ZNRF1: variants seen among roughly 807,000 people sequenced by gnomAD.
The protein encoded by ZNRF1 is E3 ubiquitin-protein ligase ZNRF1.
A neutral mutation model predicts 18.4 loss-of-function variants in ZNRF1; 3 were observed. The ratio of observed to expected loss-of-function variants is 0.16; its 90% CI spans 0.07 to 0.42. The LOEUF is 0.42. Among genes scored for constraint, ZNRF1 ranks in the 10% least tolerant of loss-of-function variants. ZNRF1 has a pLI of 0.99. For synonymous variants in ZNRF1, 157 were observed against 144.2 expected, an observed-to-expected ratio of 1.09 and a Z score of -0.64; for missense variants, 310 against 329.8, an observed-to-expected ratio of 0.94 and a Z score of 0.47.
intron 1 of ZNRF1, among the ~76,000 whole-genome samples, chr16:75,020,740 C>A (rs983564734): frequency 2.6e-5 from 4 of 152,100 alleles, no homozygotes; most frequent in African/African-American, 7.2e-5. Flanking sequence ...GACAAGGTTT[C>A]ACCGTGTTAG....
At chr16:75,029,338 C>T (rs186841247) in intron 1 of ZNRF1, among the ~76,000 whole-genome samples, 8 of 151,970 alleles carry the variant, frequency 5.3e-5, no homozygotes, top group Admixed American at 6.6e-5. Flanking sequence ...TTAGTAGAGA[C>T]GGGGTTCTAC....
intron 1 of ZNRF1, among the ~76,000 whole-genome samples, chr16:75,052,519 T>A (rs1008030424): frequency 6.6e-6 from 1 of 152,182 alleles, no homozygotes; most frequent in Non-Finnish European, 1.5e-5. Context: ...GGTCCCTGAT[T>A]TTGACCACTA....
intron 1 of ZNRF1, among the ~76,000 whole-genome samples, chr16:75,008,041 C>CT (rs1222312737): frequency 1.3e-5 from 2 of 151,070 alleles, no homozygotes; most frequent in African/African-American, 2.4e-5. Context: ...AATTTTTTTA[C>CT]TTTTTTTTTC....
chr16:75,104,510 GC>G (rs2036290464), intron 2 of ZNRF1: 1 of 297,190 alleles, frequency 3.4e-6, no homozygotes, highest in Admixed American at 4.8e-5. Context: ...CCTTCTCCAA[GC>G]CTTTTTCGTC....
intron 1 of ZNRF1, among the ~76,000 whole-genome samples, chr16:75,028,160 T>C (rs1446947588): frequency 6.6e-6 from 1 of 152,200 alleles, no homozygotes; most frequent in Non-Finnish European, 1.5e-5. Context: ...CTGCTAAATA[T>C]TACCGCTCTA....
In ZNRF1 at chr16:75,108,887, G is replaced by T. The variant is rs554380274; in HGVS notation, c.*1187G>T. 203 of 262,044 alleles carry T rather than the reference G, an allele frequency of 7.7e-4. No individual in the cohort carries two copies. Among genetic ancestry groups the T allele is most frequent in the Middle Eastern group, 6.5e-3 (6 of 930 alleles). The allele number at this position is 262,044 out of a possible 1,614,324, so 16.2% of individuals were successfully genotyped here. On this transcript the variant is annotated 3_prime_UTR_variant, in exon 5 of 5. Transcript: ENST00000335325. ...CTGGGTGGAGGGAGTGGCAAGTCAG[G>T]CGTGCCTCCTACAAGCTTCCTAACC...
At chr16:75,051,957 T>G (rs781109872) in intron 1 of ZNRF1, among the ~76,000 whole-genome samples, 10 of 152,262 alleles carry the variant, frequency 6.6e-5, no homozygotes, top group Non-Finnish European at 1.3e-4. Flanking sequence ...AATATTTCAA[T>G]ATGTACATCA....
chr16:75,020,831 C>T lies in ZNRF1; in HGVS notation c.424+20736C>T, dbSNP rs184867764. Among the ~76,000 whole-genome samples the T allele has an allele frequency of 1.4e-4, 22 of 151,826 alleles. No individual in the cohort carries two copies. The East Asian group carries it at 2.0e-3, about 13-fold the overall frequency. ...TGCTGGGATTACAGGCGTGAGCCAC[C>T]GCGCCCGGCCCCTTCAGTCTTTTCT... On this transcript the variant is annotated intron_variant, in intron 1 of 4. Transcript: ENST00000335325.
At chr16:75,101,948 T>G (rs553321783) in intron 2 of ZNRF1, among the ~76,000 whole-genome samples, 1 of 152,312 alleles carries the variant, frequency 6.6e-6, no homozygotes, top group South Asian at 2.1e-4. Context: ...GACTGTGCCA[T>G]CTCCCTTCTC....
intron 1 of ZNRF1, among the ~76,000 whole-genome samples, chr16:75,017,612 T>G (rs1173800395): frequency 6.6e-6 from 1 of 152,208 alleles, no homozygotes; most frequent in African/African-American, 2.4e-5. Flanking sequence ...CATGTGATCT[T>G]AAAAGTGACA....
intron 1 of ZNRF1, among the ~76,000 whole-genome samples, chr16:75,092,162 T>G (rs1479820743): frequency 6.6e-6 from 1 of 151,986 alleles, no homozygotes. Context: ...TTTAATAACA[T>G]TTAAAAATAT....
chr16:75,096,895 A>T (rs2036206374), intron 2 of ZNRF1, among the ~76,000 whole-genome samples: 1 of 152,180 alleles, frequency 6.6e-6, no homozygotes, highest in African/African-American at 2.4e-5. Flanking sequence ...TAACTGGTTC[A>T]GCTAGTGCCT....
chr16:75,051,582 A>T (rs958692355), intron 1 of ZNRF1, among the ~76,000 whole-genome samples: 1 of 149,574 alleles, frequency 6.7e-6, no homozygotes, highest in Non-Finnish European at 1.5e-5. Flanking sequence ...CAGTGGCATG[A>T]TCTCGGCTCA....
Position 75,074,686 on chromosome 16 carries a change from C to G in ZNRF1, c.425-18886C>G, listed in dbSNP as rs1490983066. On this transcript the variant is annotated intron_variant, in intron 1 of 4. Transcript: ENST00000335325. Reference sequence around the variant, plus strand: ...AGGGGAAAATCAGATAGGACTGACCCTGATTTGATCATTGTTGAAGCTGGG... The same window carrying G: ...AGGGGAAAATCAGATAGGACTGACCGTGATTTGATCATTGTTGAAGCTGGG... Among the ~76,000 whole-genome samples, 3 of 152,230 alleles carry G rather than the reference C, an allele frequency of 2.0e-5. No individual in the cohort carries two copies. The East Asian group carries it at 5.8e-4, about 29-fold the overall frequency.
chr16:75,093,288 G>C (rs1370204657), intron 1 of ZNRF1, among the ~76,000 whole-genome samples: 1 of 152,126 alleles, frequency 6.6e-6, no homozygotes, highest in Non-Finnish European at 1.5e-5. Flanking sequence ...GGAAGGCTGA[G>C]GCAGGAGAAT....
chr16:75,045,822 C>T (rs1025897575), intron 1 of ZNRF1, among the ~76,000 whole-genome samples: 1 of 150,672 alleles, frequency 6.6e-6, no homozygotes, highest in African/African-American at 2.4e-5. Context: ...CTCAAGTGAT[C>T]CTCCCACCTC....
chr16:75,008,582 G>T (rs534804841), intron 1 of ZNRF1, among the ~76,000 whole-genome samples: 4 of 152,218 alleles, frequency 2.6e-5, no homozygotes, highest in African/African-American at 9.6e-5. Flanking sequence ...AAAAGTATAA[G>T]ACTTTTTTTT....
At chr16:75,045,402 A>AG (rs2035502088) in intron 1 of ZNRF1, among the ~76,000 whole-genome samples, 1 of 152,158 alleles carries the variant, frequency 6.6e-6, no homozygotes, top group Non-Finnish European at 1.5e-5. Context: ...TTAGGCATAG[A>AG]GAGGGGATGG....
chr16:75,067,409 G>GAT (rs1452824628), intron 1 of ZNRF1, among the ~76,000 whole-genome samples: 2 of 152,138 alleles, frequency 1.3e-5, no homozygotes, highest in East Asian at 3.9e-4. Flanking sequence ...TGTGGGATGA[G>GAT]ATATATATTG....
Sources: gnomAD v4.1 joint callset for allele counts (sites outside exome capture counted in the v4.1 genomes callset) on GRCh38, gnomAD v4.1.1 for gene constraint, MANE v1.5 for transcripts, NCBI Gene and HGNC (gene_info 2026-07-23, HGNC 2026-07-21) for gene names.